LUZP2: variants seen among roughly 807,000 people sequenced by gnomAD.
LUZP2 encodes leucine zipper protein 2.
A neutral mutation model predicts 51.6 loss-of-function variants in LUZP2; 52 were observed. That is an observed-to-expected ratio of 1.01 (90% CI 0.81 to 1.27). The LOEUF (loss-of-function observed/expected upper bound fraction) is 1.27. Ranked by LOEUF, LUZP2 falls within the 50% of genes most tolerant of loss-of-function variation. The pLI is 0.00. For missense variants in LUZP2, 436 were observed against 395.4 expected (o/e 1.10, Z -0.87); for synonymous variants, 154 against 137.3 (o/e 1.12, Z -0.85).
intron 1 of LUZP2, among the ~76,000 whole-genome samples, chr11:24,603,079 C>A (rs2133870799): frequency 6.6e-6 from 1 of 151,786 alleles, no homozygotes; most frequent in South Asian, 2.1e-4. Context: ...TTCTATACGG[C>A]TATGGCACAT....
At chr11:24,890,396 G>T (rs865912896) in intron 5 of LUZP2, among the ~76,000 whole-genome samples, 2 of 152,116 alleles carry the variant, frequency 1.3e-5, no homozygotes, top group South Asian at 4.1e-4. Flanking sequence ...CTAGAATATA[G>T]ATGTTTTCAG....
chr11:24,923,434 C>T (rs571570261), intron 7 of LUZP2, among the ~76,000 whole-genome samples: 5 of 152,064 alleles, frequency 3.3e-5, no homozygotes, highest in African/African-American at 7.2e-5. Flanking sequence ...CGGTGTCTCA[C>T]GCCTGTAATC....
At chr11:24,837,588 G>A (rs984175450) in intron 5 of LUZP2, among the ~76,000 whole-genome samples, 3 of 151,552 alleles carry the variant, frequency 2.0e-5, no homozygotes, top group Admixed American at 1.3e-4. Context: ...AAAAACAATC[G>A]ACCTGGAAAA....
At chr11:24,507,790 A>G (rs1280080968) in intron 1 of LUZP2, among the ~76,000 whole-genome samples, 2 of 152,018 alleles carry the variant, frequency 1.3e-5, no homozygotes, top group Non-Finnish European at 2.9e-5. Flanking sequence ...GTAAAAATTA[A>G]AGTTTTGATC....
At chr11:25,060,715 A>G (rs1214891586) in intron 10 of LUZP2, among the ~76,000 whole-genome samples, 1 of 152,212 alleles carries the variant, frequency 6.6e-6, no homozygotes, top group East Asian at 1.9e-4. Context: ...CAGTATAAAT[A>G]AAAAGAAAAG....
intron 5 of LUZP2, among the ~76,000 whole-genome samples, chr11:24,783,049 C>T (rs911912722): frequency 6.6e-6 from 1 of 151,920 alleles, no homozygotes; most frequent in African/African-American, 2.4e-5. Flanking sequence ...TTTTTGATTA[C>T]CTACTGTTCT....
At chr11:25,042,087 T>C (rs1858081437) in intron 9 of LUZP2, among the ~76,000 whole-genome samples, 1 of 152,124 alleles carries the variant, frequency 6.6e-6, no homozygotes, top group Non-Finnish European at 1.5e-5. Context: ...TTCAGTATAT[T>C]TGCACTGCAA....
At chr11:24,652,360 A>G (rs1855654408) in intron 1 of LUZP2, among the ~76,000 whole-genome samples, 1 of 152,140 alleles carries the variant, frequency 6.6e-6, no homozygotes, top group Admixed American at 6.6e-5. Context: ...CAATTTTAAC[A>G]AAGGGGTCAT....
intron 1 of LUZP2, among the ~76,000 whole-genome samples, chr11:24,699,826 G>A (rs1048128900): frequency 3.3e-5 from 5 of 149,992 alleles, no homozygotes; most frequent in Admixed American, 2.7e-4. Context: ...TCATAGGAGT[G>A]TATGATGCCA....
chr11:25,051,601 G>A (rs555929389), intron 10 of LUZP2, among the ~76,000 whole-genome samples: 202 of 152,220 alleles, frequency 1.3e-3, no homozygotes, highest in Non-Finnish European at 2.3e-3. Context: ...ACACAAAATG[G>A]CGGGATATGT....
intron 5 of LUZP2, among the ~76,000 whole-genome samples, chr11:24,823,933 G>A (rs1353785923): frequency 1.3e-5 from 2 of 151,950 alleles, no homozygotes; most frequent in African/African-American, 4.8e-5. Flanking sequence ...TGTGGTGGCA[G>A]GTGCCTGTAG....
chr11:24,732,702 A>G (rs1015912328), intron 3 of LUZP2, among the ~76,000 whole-genome samples: 1 of 151,776 alleles, frequency 6.6e-6, no homozygotes, highest in Non-Finnish European at 1.5e-5. Context: ...TGTGTAAATT[A>G]TAAAAAGCCA....
intron 9 of LUZP2, among the ~76,000 whole-genome samples, chr11:25,047,605 G>GTAA (rs66879835): frequency 0.47 from 71,185 of 151,630 alleles, 17,134 homozygotes; most frequent in Non-Finnish European, 0.51. Flanking sequence ...TCTAACCCTT[G>GTAA]TTCAGAACAT....
In LUZP2 at chr11:25,080,255, A is replaced by G. The variant is rs1449823530; in HGVS notation, c.*1597A>G. ...TGGTCCATGAAATATTCAACACTTT[A>G]TTATAAAATAGGGTTTGTGTTAGAC... On this transcript the variant is annotated 3_prime_UTR_variant, in exon 12 of 12. Coordinates refer to ENST00000336930, the MANE Select transcript of LUZP2 (RefSeq NM_001009909.4). 6.6e-6 allele frequency: 1 copy of G among 152,122 alleles called. No individual in the cohort carries two copies. The highest frequency in any genetic ancestry group is 1.9e-4 in the East Asian group (1 of 5,178). The allele number at this position is 152,122 out of a possible 1,614,324, so 9.4% of individuals were successfully genotyped here.
At chr11:24,761,936 TG>T (rs927698678) in intron 4 of LUZP2, among the ~76,000 whole-genome samples, 2 of 149,452 alleles carry the variant, frequency 1.3e-5, no homozygotes, top group East Asian at 2.0e-4. Flanking sequence ...AGTGGTTACC[TG>T]GGGGGGTGGG....
intron 10 of LUZP2, among the ~76,000 whole-genome samples, chr11:25,071,316 A>C (rs755983130): frequency 3.9e-5 from 6 of 152,000 alleles, no homozygotes; most frequent in African/African-American, 7.2e-5. Context: ...TAACGGGTGC[A>C]GCACACCAAC....
At chr11:24,736,433 C>T (rs551778333) in intron 3 of LUZP2, among the ~76,000 whole-genome samples, 74 of 151,714 alleles carry the variant, frequency 4.9e-4, no homozygotes, top group African/African-American at 1.8e-3. Context: ...TCACTCAGTG[C>T]TTGTTGAAGA....
At chr11:24,507,814 T>G (rs181131281) in intron 1 of LUZP2, among the ~76,000 whole-genome samples, 87 of 152,120 alleles carry the variant, frequency 5.7e-4, no homozygotes, top group African/African-American at 1.9e-3. Context: ...TTCTCCCTAC[T>G]CCCCTTAAAT....
intron 9 of LUZP2, among the ~76,000 whole-genome samples, chr11:25,029,736 CAAA>C (rs372357127): frequency 1.7e-5 from 2 of 114,572 alleles, no homozygotes; most frequent in Non-Finnish European, 1.8e-5. Flanking sequence ...GACTCTGTCT[CAAA>C]AAAAAAAAAA....
Sources: gnomAD v4.1 joint callset for allele counts (sites outside exome capture counted in the v4.1 genomes callset) on GRCh38, gnomAD v4.1.1 for gene constraint, MANE v1.5 for transcripts, NCBI Gene and HGNC (gene_info 2026-07-23, HGNC 2026-07-21) for gene names.